The following SLAIN2 variants were observed in gnomAD, a reference collection of about 807,000 sequenced individuals.
SLAIN2 encodes the protein SLAIN family member 2, also known as SLAIN motif-containing protein 2.
A neutral mutation model predicts 56.6 loss-of-function variants in SLAIN2; 31 were observed. That is an observed-to-expected ratio of 0.55 (90% CI 0.41 to 0.74). The LOEUF (loss-of-function observed/expected upper bound fraction) is 0.74. Among genes scored for constraint, SLAIN2 ranks in the 30% least tolerant of loss-of-function variants. SLAIN2 has a pLI of 0.00. For missense variants in SLAIN2, 777 were observed against 754.2 expected (o/e 1.03, Z -0.35); for synonymous variants, 317 against 284.9 (o/e 1.11, Z -1.13).
chr4:48,343,941 C>A (rs765476192), intron 1 of SLAIN2, among the ~76,000 whole-genome samples: 5 of 152,150 alleles, frequency 3.3e-5, no homozygotes, highest in Non-Finnish European at 5.9e-5. Flanking sequence ...ATGGCTCTTG[C>A]AAGTGATGAT....
chr4:48,392,762 CTT>C (rs1460616643), intron 6 of SLAIN2, among the ~76,000 whole-genome samples: 1 of 151,776 alleles, frequency 6.6e-6, no homozygotes, highest in Non-Finnish European at 1.5e-5. Flanking sequence ...TCCTGTCCCT[CTT>C]TTCTACTTAA....
intron 1 of SLAIN2, among the ~76,000 whole-genome samples, chr4:48,345,892 G>T (rs1453443621): frequency 6.6e-6 from 1 of 152,092 alleles, no homozygotes; most frequent in African/African-American, 2.4e-5. Flanking sequence ...ACTCACTCTG[G>T]ATTAATACCA....
In SLAIN2 at chr4:48,420,277, A is replaced by G. The variant is rs770295861; in HGVS notation, c.1513A>G (p.Met505Val). 32 of 1,613,762 alleles carry G rather than the reference A, an allele frequency of 2.0e-5. No individual in the cohort carries two copies. The highest frequency in any genetic ancestry group is 1.6e-4 in the South Asian group (15 of 91,082). The change falls in exon 7 of 8, where the codon ATG (methionine) becomes GTG (valine). Residue 505 changes from methionine (M) to valine (V), a missense_variant. Coordinates refer to ENST00000264313, the MANE Select transcript of SLAIN2 (RefSeq NM_020846.2). ...TQTTSSPGPPMVQSTVSANPP... is the reference protein window; with the variant it reads ...TQTTSSPGPPVVQSTVSANPP... ...AACCACCTCCTCACCTGGGCCTCCTATGGTTCAGAGCACAGTCTCAGCAAA... is the reference window on the plus strand; with the variant it reads ...AACCACCTCCTCACCTGGGCCTCCTGTGGTTCAGAGCACAGTCTCAGCAAA...
intron 1 of SLAIN2, among the ~76,000 whole-genome samples, chr4:48,347,854 A>G (rs1057197497): frequency 6.6e-6 from 1 of 152,218 alleles, no homozygotes; most frequent in Non-Finnish European, 1.5e-5. Flanking sequence ...GTGTAAGTAG[A>G]ATCATACAAT....
intron 7 of SLAIN2, among the ~76,000 whole-genome samples, chr4:48,420,661 G>A (rs1425892531): frequency 6.6e-6 from 1 of 152,074 alleles, no homozygotes; most frequent in African/African-American, 2.4e-5. Context: ...TTGTCCAGTT[G>A]CCTAACGTGA....
chr4:48,353,449 A>G (rs1429280451), intron 1 of SLAIN2, among the ~76,000 whole-genome samples: 3 of 151,640 alleles, frequency 2.0e-5, no homozygotes, highest in Non-Finnish European at 4.4e-5. Flanking sequence ...TTGAAAGGCA[A>G]AGTAAGGCTA....
chr4:48,349,760 GTTAC>G (rs914837323), intron 1 of SLAIN2, among the ~76,000 whole-genome samples: 2 of 152,116 alleles, frequency 1.3e-5, no homozygotes, highest in African/African-American at 4.8e-5. Flanking sequence ...AGTTTTCCTT[GTTAC>G]TTAGTAGTAG....
intron 6 of SLAIN2, among the ~76,000 whole-genome samples, chr4:48,392,512 T>C (rs181000201): frequency 1.4e-4 from 21 of 152,330 alleles, no homozygotes; most frequent in Non-Finnish European, 2.4e-4. Flanking sequence ...GTATGTTCAA[T>C]TGGTTACCTT....
At chr4:48,386,452 T>A (rs578090200) in intron 6 of SLAIN2, among the ~76,000 whole-genome samples, 4 of 152,334 alleles carry the variant, frequency 2.6e-5, no homozygotes, top group Admixed American at 6.5e-5. Flanking sequence ...GTCACATCTA[T>A]GGTTTAGACC....
At chr4:48,385,803 CT>C in intron 6 of SLAIN2, among the ~76,000 whole-genome samples, 1 of 151,832 alleles carries the variant, frequency 6.6e-6, no homozygotes. Flanking sequence ...TTTCTTCACA[CT>C]TTTCCTTGGC....
chr4:48,374,497 C>A (rs2109756392), intron 2 of SLAIN2, among the ~76,000 whole-genome samples: 1 of 152,260 alleles, frequency 6.6e-6, no homozygotes, highest in South Asian at 2.1e-4. Context: ...GCCTTGGCCT[C>A]CCAAAGTGCT....
chr4:48,342,635 C>T (rs146528324), intron 1 of SLAIN2, among the ~76,000 whole-genome samples: 2 of 148,182 alleles, frequency 1.3e-5, no homozygotes, highest in African/African-American at 5.0e-5. Context: ...ATGGGGAGAC[C>T]GTATGAATCA....
chr4:48,348,115 C>T (rs1313174663), intron 1 of SLAIN2, among the ~76,000 whole-genome samples: 1 of 151,854 alleles, frequency 6.6e-6, no homozygotes, highest in Non-Finnish European at 1.5e-5. Flanking sequence ...ATTTGAAGGA[C>T]TCTAATAAGG....
chr4:48,344,829 A>G (rs1451914693), intron 1 of SLAIN2, among the ~76,000 whole-genome samples: 3 of 151,940 alleles, frequency 2.0e-5, no homozygotes, highest in Non-Finnish European at 2.9e-5. Context: ...ATGCTTGGAT[A>G]TTTTCCGCTC....
intron 1 of SLAIN2, among the ~76,000 whole-genome samples, chr4:48,367,632 TG>T (rs902979890): frequency 2.7e-4 from 41 of 150,862 alleles, no homozygotes; most frequent in Non-Finnish European, 5.0e-4. Flanking sequence ...GATTTGGGGG[TG>T]GGGGGGCAGT....
chr4:48,361,230 G>T (rs1173889510), intron 1 of SLAIN2, among the ~76,000 whole-genome samples: 1 of 152,196 alleles, frequency 6.6e-6, no homozygotes, highest in Non-Finnish European at 1.5e-5. Context: ...AGAGCTGGAT[G>T]AACTTGAGCA....
chr4:48,357,648 C>T (rs1715195982), intron 1 of SLAIN2, among the ~76,000 whole-genome samples: 1 of 152,162 alleles, frequency 6.6e-6, no homozygotes, highest in Admixed American at 6.5e-5. Flanking sequence ...TTCCACTTCC[C>T]GGGTTCAGGT....
chr4:48,394,735 G>A lies in SLAIN2; in HGVS notation c.1360+10951G>A. ...AAGCCATTTGGCATACTGAGTCAGT[G>A]GTGTCTGTAAGGCACATTTTAGTCT... On this transcript the variant is annotated intron_variant, in intron 6 of 7. Transcript: ENST00000264313. The A allele has an allele frequency of 4.6e-6, 5 of 1,097,704 alleles. No homozygotes were observed. In the South Asian group the frequency reaches 7.3e-5, roughly 16 times the overall value. The allele number at this position is 1,097,704 out of a possible 1,614,324, so 68.0% of individuals were successfully genotyped here.
intron 1 of SLAIN2, among the ~76,000 whole-genome samples, chr4:48,352,151 G>A (rs1715029665): frequency 6.6e-6 from 1 of 152,150 alleles, no homozygotes; most frequent in Admixed American, 6.5e-5. Context: ...GGTTAGTGTG[G>A]CAATAGTATG....
Sources: gnomAD v4.1 joint callset for allele counts (sites outside exome capture counted in the v4.1 genomes callset) on GRCh38, gnomAD v4.1.1 for gene constraint, MANE v1.5 for transcripts, NCBI Gene and HGNC (gene_info 2026-07-23, HGNC 2026-07-21) for gene names.